Variants in PLPPR1 observed in about 807,000 individuals in gnomAD.
The protein encoded by PLPPR1 is phospholipid phosphatase-related protein type 1.
A neutral mutation model predicts 33.1 loss-of-function variants in PLPPR1; 10 were observed. The observed-to-expected ratio is 0.30, with a 90% CI of 0.19 to 0.51. The LOEUF (loss-of-function observed/expected upper bound fraction) is 0.51, where lower values mean the gene tolerates loss of function less well. Among genes scored for constraint, PLPPR1 ranks in the 20% least tolerant of loss-of-function variants. The pLI is 0.97. For missense variants in PLPPR1, 304 were observed against 408.1 expected (o/e 0.74, Z 2.20); for synonymous variants, 151 against 151.0 (o/e 1.00, Z 0.00).
chr9:101,064,780 G>C (rs916076795), intron 1 of PLPPR1, among the ~76,000 whole-genome samples: 7 of 151,982 alleles, frequency 4.6e-5, no homozygotes, highest in Admixed American at 2.0e-4. Context: ...TCTGATGAGG[G>C]CCTTCTTTCC....
rs1215078484 is a variant in PLPPR1, at chr9:101,090,878, C to CT, written c.-46+61785dup. On this transcript the variant is annotated intron_variant, in intron 1 of 7. Transcript: ENST00000374874. ...TGCTCCTTTTCAACTTCATGTGCTT[C>CT]TTTTTTTTTCCCCATCCTCTAAATT... Among the ~76,000 whole-genome samples the CT allele has an allele frequency of 7.3e-5, 11 of 151,620 alleles. No individual in the cohort carries two copies. In the South Asian group the frequency reaches 1.3e-3, roughly 17 times the overall value.
intron 1 of PLPPR1, among the ~76,000 whole-genome samples, chr9:101,140,457 A>G (rs950859830): frequency 3.9e-5 from 6 of 152,176 alleles, no homozygotes; most frequent in African/African-American, 1.4e-4. Context: ...TGTTCTTCAT[A>G]TCTTTACACG....
chr9:101,196,877 A>G (rs1195548612), intron 2 of PLPPR1, among the ~76,000 whole-genome samples: 2 of 152,124 alleles, frequency 1.3e-5, no homozygotes, highest in Non-Finnish European at 1.5e-5. Flanking sequence ...AAAAAAAAAA[A>G]AATTGTTAAA....
At chr9:101,109,774 A>G (rs937863624) in intron 1 of PLPPR1, among the ~76,000 whole-genome samples, 1 of 152,120 alleles carries the variant, frequency 6.6e-6, no homozygotes, top group Admixed American at 6.5e-5. Context: ...CTTTTTCAAT[A>G]CAGTTTGGAG....
intron 1 of PLPPR1, among the ~76,000 whole-genome samples, chr9:101,157,003 G>T (rs550733215): frequency 6.6e-4 from 101 of 152,296 alleles, no homozygotes; most frequent in Admixed American, 4.1e-3. Flanking sequence ...TCATTTGGTA[G>T]CAGTATTGAG....
intron 1 of PLPPR1, among the ~76,000 whole-genome samples, chr9:101,054,113 G>A (rs921661447): frequency 6.6e-6 from 1 of 152,120 alleles, no homozygotes; most frequent in African/African-American, 2.4e-5. Context: ...GAACCCAGGA[G>A]CCGGAGGTTG....
intron 1 of PLPPR1, among the ~76,000 whole-genome samples, chr9:101,155,812 C>G (rs1314956013): frequency 6.6e-6 from 1 of 152,068 alleles, no homozygotes; most frequent in Non-Finnish European, 1.5e-5. Context: ...GTTGGTCAGT[C>G]TAGTCTCTAA....
chr9:101,277,734 G>A (rs1202966076), intron 3 of PLPPR1, among the ~76,000 whole-genome samples: 5 of 152,170 alleles, frequency 3.3e-5, no homozygotes, highest in Admixed American at 2.0e-4. Flanking sequence ...GGGCAGAGTC[G>A]AGCTAGAATT....
chr9:101,299,910 C>T (rs191739580), intron 4 of PLPPR1, among the ~76,000 whole-genome samples: 1 of 152,278 alleles, frequency 6.6e-6, no homozygotes, highest in African/African-American at 2.4e-5. Flanking sequence ...ATAGCACTCA[C>T]TCCTCTAGTA....
intron 1 of PLPPR1, among the ~76,000 whole-genome samples, chr9:101,088,015 G>A (rs1382883571): frequency 6.6e-6 from 1 of 152,110 alleles, no homozygotes; most frequent in African/African-American, 2.4e-5. Context: ...AACACTGCAC[G>A]AACAAATGCT....
intron 1 of PLPPR1, among the ~76,000 whole-genome samples, chr9:101,180,143 T>TACAC (rs369914371): frequency 3.3e-3 from 129 of 39,176 alleles, no homozygotes; most frequent in East Asian, 7.2e-3. Flanking sequence ...TATATATATA[T>TACAC]ACACACACAC....
intron 1 of PLPPR1, among the ~76,000 whole-genome samples, chr9:101,037,652 G>A (rs755773970): frequency 2.6e-5 from 4 of 152,018 alleles, no homozygotes; most frequent in Admixed American, 6.5e-5. Context: ...GCTAGCTATC[G>A]CTTCCAGGCA....
chr9:101,046,920 G>A (rs1048205490), intron 1 of PLPPR1, among the ~76,000 whole-genome samples: 2 of 151,818 alleles, frequency 1.3e-5, no homozygotes, highest in Non-Finnish European at 2.9e-5. Flanking sequence ...CTTTAAAATG[G>A]AACTTACTGA....
intron 1 of PLPPR1, among the ~76,000 whole-genome samples, chr9:101,150,092 CTTTTAT>C (rs1430544577): frequency 6.6e-6 from 1 of 151,856 alleles, no homozygotes; most frequent in African/African-American, 2.4e-5. Flanking sequence ...CTTTATCATG[CTTTTAT>C]TTTTATTTTC....
intron 2 of PLPPR1, among the ~76,000 whole-genome samples, chr9:101,216,075 T>C (rs1002360414): frequency 6.6e-5 from 10 of 152,206 alleles, no homozygotes; most frequent in Non-Finnish European, 1.5e-4. Flanking sequence ...TACTGTTTTC[T>C]GTAGTGGTTG....
At chr9:101,167,138 C>G (rs1825869165) in intron 1 of PLPPR1, among the ~76,000 whole-genome samples, 1 of 26,882 alleles carries the variant, frequency 3.7e-5, no homozygotes, top group Non-Finnish European at 1.2e-4. Flanking sequence ...CTTTATGTCT[C>G]TCGGTGTGTG....
chr9:101,255,644 A>G (rs1024796317), intron 2 of PLPPR1, among the ~76,000 whole-genome samples: 4 of 152,140 alleles, frequency 2.6e-5, no homozygotes, highest in Non-Finnish European at 5.9e-5. Flanking sequence ...TAAGAAATGC[A>G]TCTTACTCCA....
At chr9:101,238,353 A>G (rs906520869) in intron 2 of PLPPR1, among the ~76,000 whole-genome samples, 3 of 141,542 alleles carry the variant, frequency 2.1e-5, no homozygotes, top group Non-Finnish European at 3.1e-5. Context: ...ATAGAGGTGT[A>G]TATATATATA....
intron 4 of PLPPR1, among the ~76,000 whole-genome samples, chr9:101,288,479 G>C (rs1264631477): frequency 1.3e-5 from 2 of 152,074 alleles, no homozygotes; most frequent in Non-Finnish European, 2.9e-5. Context: ...AGAGCAGAGA[G>C]ATAGCCAAAA....
Sources: allele counts gnomAD v4.1 joint callset (sites outside exome capture counted in the v4.1 genomes callset), GRCh38; gene constraint gnomAD v4.1.1; transcripts MANE v1.5; gene names NCBI Gene and HGNC (gene_info 2026-07-23, HGNC 2026-07-21).